MCPH1: variants seen among roughly 807,000 people sequenced by gnomAD.
MCPH1 encodes the protein microcephalin.
A neutral mutation model predicts 84.5 loss-of-function variants in MCPH1; 104 were observed. That is an observed-to-expected ratio of 1.23 (90% CI 1.05 to 1.45). The LOEUF is 1.45. MCPH1 is among the 40% of genes most tolerant of loss of function. The probability of loss-of-function intolerance (pLI) is 0.00; values close to 1 mark genes in which losing one functional copy is unlikely to be tolerated. For missense variants in MCPH1, 1,498 were observed against 1,005.7 expected (o/e 1.49, Z -6.62); for synonymous variants, 514 against 366.8 (o/e 1.40, Z -4.58).
chr8:6,482,552 A>G (rs1809375720), intron 11 of MCPH1, among the ~76,000 whole-genome samples: 1 of 152,196 alleles, frequency 6.6e-6, no homozygotes, highest in African/African-American at 2.4e-5. Context: ...TGGAGGAAAA[A>G]ATGTTATTTC....
chr8:6,535,673 A>T (rs1340539276), intron 12 of MCPH1, among the ~76,000 whole-genome samples: 1 of 152,228 alleles, frequency 6.6e-6, no homozygotes, highest in African/African-American at 2.4e-5. Flanking sequence ...TACTGACTGC[A>T]TTGCTAATTA....
intron 12 of MCPH1, among the ~76,000 whole-genome samples, chr8:6,545,623 G>C (rs551371119): frequency 1.3e-5 from 2 of 152,128 alleles, no homozygotes; most frequent in Non-Finnish European, 2.9e-5. Context: ...GATTCTTTCC[G>C]GATCAAGCAT....
chr8:6,609,828 C>CCCCACACA (rs1475345162), intron 12 of MCPH1, among the ~76,000 whole-genome samples: 45 of 108,850 alleles, frequency 4.1e-4, no homozygotes, highest in East Asian at 1.2e-3. Context: ...CGCCCCCCCC[C>CCCCACACA]CACACACAGA....
intron 12 of MCPH1, chr8:6,502,491 G>A (rs1179909096): frequency 6.6e-6 from 1 of 152,170 alleles, no homozygotes; most frequent in Non-Finnish European, 1.5e-5. Flanking sequence ...CAACATAAAT[G>A]TAAATACGCT....
chr8:6,491,603 CTCCT>C (rs1810599099), intron 11 of MCPH1, among the ~76,000 whole-genome samples: 1 of 151,810 alleles, frequency 6.6e-6, no homozygotes, highest in African/African-American at 2.4e-5. Context: ...TTAGGTATAT[CTCCT>C]AATGCTATCC....
chr8:6,610,701 T>A (rs1052735313), intron 12 of MCPH1, among the ~76,000 whole-genome samples: 7 of 152,182 alleles, frequency 4.6e-5, no homozygotes, highest in Admixed American at 1.3e-4. Context: ...GGATGCATTT[T>A]CAAGTCTGTT....
chr8:6,435,546 T>C (rs1802518681), intron 4 of MCPH1, among the ~76,000 whole-genome samples: 1 of 152,156 alleles, frequency 6.6e-6, no homozygotes, highest in Admixed American at 6.5e-5. Flanking sequence ...GATCATGGAT[T>C]ATGCCATCAG....
chr8:6,557,427 G>T (rs993131957), intron 12 of MCPH1, among the ~76,000 whole-genome samples: 5 of 152,152 alleles, frequency 3.3e-5, no homozygotes, highest in Admixed American at 6.5e-5. Context: ...TGCTGCCTTC[G>T]TGATGACTGG....
At chr8:6,590,295 T>G (rs1453265180) in intron 12 of MCPH1, among the ~76,000 whole-genome samples, 1 of 150,536 alleles carries the variant, frequency 6.6e-6, no homozygotes, top group Non-Finnish European at 1.5e-5. Context: ...GAGGATGGAG[T>G]GGAGGGAATG....
At chr8:6,625,957 T>A in intron 13 of MCPH1, 1 of 985,148 alleles carries the variant, frequency 1.0e-6, no homozygotes, top group Non-Finnish European at 1.2e-6. Flanking sequence ...TTATTATTAG[T>A]ATTCTGTGGC....
chr8:6,454,633 T>C (rs1221144378), intron 8 of MCPH1, among the ~76,000 whole-genome samples: 1 of 152,196 alleles, frequency 6.6e-6, no homozygotes, highest in Middle Eastern at 3.2e-3. Flanking sequence ...TGTGTCTTCA[T>C]GGCAAGACGC....
chr8:6,553,270 CAT>C (rs1162261020), intron 12 of MCPH1, among the ~76,000 whole-genome samples: 2 of 152,120 alleles, frequency 1.3e-5, no homozygotes, highest in Non-Finnish European at 2.9e-5. Context: ...CTCTAAAAAA[CAT>C]AGTCTTTTAA....
intron 12 of MCPH1, among the ~76,000 whole-genome samples, chr8:6,612,735 C>G (rs780559380): frequency 6.6e-6 from 1 of 152,250 alleles, no homozygotes; most frequent in Admixed American, 6.5e-5. Context: ...GCTATCTGCA[C>G]TTTCCATGTC....
chr8:6,586,407 G>A (rs755868367), intron 12 of MCPH1, among the ~76,000 whole-genome samples: 2 of 152,152 alleles, frequency 1.3e-5, no homozygotes, highest in Non-Finnish European at 2.9e-5. Flanking sequence ...CAGGGTCCGC[G>A]CTCTGTCCTC....
At chr8:6,553,047 C>T (rs1485070834) in intron 12 of MCPH1, among the ~76,000 whole-genome samples, 2 of 152,138 alleles carry the variant, frequency 1.3e-5, no homozygotes, top group African/African-American at 4.8e-5. Flanking sequence ...TGGCTTCATA[C>T]ATTGGTCCAA....
intron 12 of MCPH1, among the ~76,000 whole-genome samples, chr8:6,525,693 C>T (rs1023231639): frequency 6.6e-6 from 1 of 152,146 alleles, no homozygotes; most frequent in African/African-American, 2.4e-5. Flanking sequence ...ACACAGCATG[C>T]AGAACTCATA....
intron 3 of MCPH1, among the ~76,000 whole-genome samples, chr8:6,425,563 C>A (rs998733560): frequency 4.6e-5 from 7 of 152,156 alleles, no homozygotes; most frequent in African/African-American, 1.7e-4. Context: ...CTCTGTGCAC[C>A]TTACATCTTA....
chr8:6,597,101 G>T (rs1828988224), intron 12 of MCPH1, among the ~76,000 whole-genome samples: 2 of 152,188 alleles, frequency 1.3e-5, no homozygotes, highest in Admixed American at 1.3e-4. Context: ...TGCCTGGTGT[G>T]TGATCTCAGC....
At chr8:6,413,221 G>A (rs891774153) in intron 2 of MCPH1, among the ~76,000 whole-genome samples, 1 of 151,402 alleles carries the variant, frequency 6.6e-6, no homozygotes, top group African/African-American at 2.4e-5. Flanking sequence ...ATTTCCCATT[G>A]TTTTCTCAAT....
Sources: gnomAD v4.1 joint callset for allele counts (sites outside exome capture counted in the v4.1 genomes callset) on GRCh38, gnomAD v4.1.1 for gene constraint, MANE v1.5 for transcripts, NCBI Gene and HGNC (gene_info 2026-07-23, HGNC 2026-07-21) for gene names.